The following EPHA6 variants were observed in gnomAD, a reference collection of about 807,000 sequenced individuals.
EPHA6 encodes EPH receptor A6, also known as ephrin type-A receptor 6.
EPHA6 carries 50 observed loss-of-function variants against 112.0 expected under a neutral mutation model. That is an observed-to-expected ratio of 0.45 (90% CI 0.36 to 0.56). EPHA6 has a LOEUF of 0.56. Among genes scored for constraint, EPHA6 ranks in the 20% least tolerant of loss-of-function variants. The pLI is 0.00. For missense variants in EPHA6, 1,280 were observed against 1,417.4 expected (o/e 0.90, Z 1.56); for synonymous variants, 529 against 490.7 (o/e 1.08, Z -1.03).
chr3:97,085,047 AT>A (rs887848232), intron 3 of EPHA6, among the ~76,000 whole-genome samples: 5 of 152,192 alleles, frequency 3.3e-5, no homozygotes, highest in African/African-American at 9.6e-5. Context: ...CCATTAAAAT[AT>A]TTTAAGATCA....
chr3:97,453,747 T>C (rs2090595991), intron 7 of EPHA6, among the ~76,000 whole-genome samples: 1 of 151,732 alleles, frequency 6.6e-6, no homozygotes, highest in Non-Finnish European at 1.5e-5. Context: ...GCTGTTTTTG[T>C]ATGGTTGATA....
intron 13 of EPHA6, among the ~76,000 whole-genome samples, chr3:97,624,822 T>G: frequency 6.6e-6 from 1 of 151,740 alleles, no homozygotes; most frequent in Non-Finnish European, 1.5e-5. Flanking sequence ...TTATCCAGGT[T>G]ATCTAATTGT....
rs1001390280 is a variant in EPHA6 at position 97,594,032 on chromosome 3, A to G, written c.2512+1295A>G. Among the ~76,000 whole-genome samples the G allele has an allele frequency of 2.6e-5, 4 of 152,200 alleles. No individual in the cohort carries two copies. In the East Asian group the frequency reaches 5.8e-4, roughly 22 times the overall value. ...AAAACTATATAAGCCAAGCTCTCCG[A>G]GTTAACTGCAAATATAAACATGTAG... On this transcript the variant is annotated intron_variant, in intron 12 of 17. Transcript: ENST00000389672.
At chr3:97,593,390 A>G (rs144534531) in intron 12 of EPHA6, among the ~76,000 whole-genome samples, 1 of 152,164 alleles carries the variant, frequency 6.6e-6, no homozygotes, top group East Asian at 1.9e-4. Context: ...CTTCCCTGAC[A>G]TTTAGTAAAA....
intron 5 of EPHA6, among the ~76,000 whole-genome samples, chr3:97,271,217 A>C (rs569244486): frequency 6.6e-4 from 101 of 152,394 alleles, no homozygotes; most frequent in African/African-American, 2.3e-3. Context: ...CCTGATACAC[A>C]GGTGAAATGA....
chr3:96,878,731 A>G (rs1480534305), intron 2 of EPHA6, among the ~76,000 whole-genome samples: 1 of 152,092 alleles, frequency 6.6e-6, no homozygotes, highest in Non-Finnish European at 1.5e-5. Flanking sequence ...TTCCTTACAA[A>G]TTACTATTTA....
At chr3:96,939,876 G>A (rs1321491024) in intron 2 of EPHA6, among the ~76,000 whole-genome samples, 1 of 152,140 alleles carries the variant, frequency 6.6e-6, no homozygotes, top group Admixed American at 6.5e-5. Flanking sequence ...TAGTCATTCA[G>A]GAGCAGGTTG....
chr3:97,664,138 G>C (rs1466223345), intron 14 of EPHA6, among the ~76,000 whole-genome samples: 2 of 152,154 alleles, frequency 1.3e-5, no homozygotes, highest in South Asian at 2.1e-4. Flanking sequence ...GTCTTCTTTT[G>C]AGAAGTGTCT....
chr3:97,548,632 A>G (rs2092990227), intron 11 of EPHA6, among the ~76,000 whole-genome samples: 1 of 152,180 alleles, frequency 6.6e-6, no homozygotes, highest in Non-Finnish European at 1.5e-5. Context: ...AGAATTATGC[A>G]ATATGTAGCC....
At chr3:97,389,745 A>G (rs2086291209) in intron 5 of EPHA6, among the ~76,000 whole-genome samples, 1 of 152,188 alleles carries the variant, frequency 6.6e-6, no homozygotes, top group African/African-American at 2.4e-5. Flanking sequence ...TTCATTTTGA[A>G]TAATAATTAG....
intron 5 of EPHA6, among the ~76,000 whole-genome samples, chr3:97,271,683 T>C (rs747157360): frequency 6.6e-5 from 10 of 152,228 alleles, no homozygotes; most frequent in Non-Finnish European, 1.3e-4. Context: ...GATAAAAATA[T>C]ACGTTGGAGT....
chr3:97,333,166 C>T (rs2082882654), intron 5 of EPHA6, among the ~76,000 whole-genome samples: 1 of 151,874 alleles, frequency 6.6e-6, no homozygotes, highest in African/African-American at 2.4e-5. Flanking sequence ...TTTGCAGCAC[C>T]TAGATCCTGT....
At chr3:97,577,310 A>G (rs2107262311) in intron 11 of EPHA6, among the ~76,000 whole-genome samples, 1 of 152,354 alleles carries the variant, frequency 6.6e-6, no homozygotes, top group South Asian at 2.1e-4. Context: ...AAAGTAAACA[A>G]ATCTAAAGAT....
chr3:97,636,385 A>G (rs1350422345), intron 13 of EPHA6, among the ~76,000 whole-genome samples: 1 of 152,112 alleles, frequency 6.6e-6, no homozygotes, highest in African/African-American at 2.4e-5. Flanking sequence ...GTACTGTCTA[A>G]GAAGATGGAT....
intron 11 of EPHA6, among the ~76,000 whole-genome samples, chr3:97,579,261 T>A (rs2093415920): frequency 6.6e-6 from 1 of 152,192 alleles, no homozygotes; most frequent in African/African-American, 2.4e-5. Context: ...AAAAGTAAGT[T>A]TAAACCGTTC....
intron 2 of EPHA6, among the ~76,000 whole-genome samples, chr3:96,931,485 G>T (rs980106416): frequency 6.6e-6 from 1 of 152,118 alleles, no homozygotes; most frequent in Non-Finnish European, 1.5e-5. Flanking sequence ...TGGCTGGGGT[G>T]GCTGAAGCCT....
intron 12 of EPHA6, among the ~76,000 whole-genome samples, chr3:97,595,357 CA>C (rs1368812087): frequency 6.6e-6 from 1 of 152,034 alleles, no homozygotes; most frequent in Non-Finnish European, 1.5e-5. Context: ...GAAGAAATCA[CA>C]GAAGGCCAGG....
rs2042267752 is a variant in EPHA6, at chr3:96,970,269, A to AG, written c.451-17061_451-17060insG. Among the ~76,000 whole-genome samples, 4 of 144,036 alleles carry AG rather than the reference A, an allele frequency of 2.8e-5. No homozygotes were observed. The East Asian group carries it at 7.9e-4, about 29-fold the overall frequency. 94.5% of individuals were successfully genotyped at this position (144,036 alleles called of 152,430 possible). On this transcript the variant is annotated intron_variant, in intron 2 of 17. Transcript: ENST00000389672. ...CACACACACACACACACACACACAA[A>AG]CACACACACACACAGAGCGAGAGAG...
chr3:97,379,751 CAAAAAA>C (rs71623570), intron 5 of EPHA6, among the ~76,000 whole-genome samples: 8 of 30,560 alleles, frequency 2.6e-4, no homozygotes, highest in South Asian at 1.6e-3. Flanking sequence ...TCTGTCTCCC[CAAAAAA>C]AAAAAAAAAA....
Sources: allele counts gnomAD v4.1 joint callset (sites outside exome capture counted in the v4.1 genomes callset), GRCh38; gene constraint gnomAD v4.1.1; transcripts MANE v1.5; gene names NCBI Gene and HGNC (gene_info 2026-07-23, HGNC 2026-07-21).